PTPRM: variants seen among roughly 807,000 people sequenced by gnomAD.
PTPRM encodes the protein receptor-type tyrosine-protein phosphatase mu.
A neutral mutation model predicts 186.7 loss-of-function variants in PTPRM; 47 were observed. The observed-to-expected ratio is 0.25, with a 90% confidence interval of 0.20 to 0.32. PTPRM has a LOEUF of 0.32. PTPRM is among the 10% of genes least tolerant of loss of function. PTPRM has a pLI of 1.00. For missense variants in PTPRM, 1,494 were observed against 1,865.0 expected, an observed-to-expected ratio of 0.80 and a Z score of 3.66; for synonymous variants, 668 against 674.9, an observed-to-expected ratio of 0.99 and a Z score of 0.16.
In PTPRM at chr18:7,611,788, C is replaced by T. The variant is rs536811093; in HGVS notation, c.73+43897C>T. 9.2e-5 allele frequency among the ~76,000 whole-genome samples: 14 copies of T among 152,250 alleles called. 1 individual carries two copies. The East Asian group carries it at 2.7e-3, about 29-fold the overall frequency. On this transcript the variant is annotated intron_variant, in intron 1 of 32. Transcript: ENST00000580170. ...CAAGCTCTCTTTGCCTGCTGCCATC[C>T]ACGTAAGATGAGACTTGCTCCTCCT...
intron 14 of PTPRM, among the ~76,000 whole-genome samples, chr18:8,181,326 A>G (rs2093571220): frequency 6.6e-6 from 1 of 152,166 alleles, no homozygotes; most frequent in Non-Finnish European, 1.5e-5. Flanking sequence ...GTCTGCTAAA[A>G]CCAGGCCATA....
intron 31 of PTPRM, among the ~76,000 whole-genome samples, chr18:8,391,233 T>C (rs2095810218): frequency 6.6e-6 from 1 of 152,194 alleles, no homozygotes; most frequent in Admixed American, 6.5e-5. Flanking sequence ...ATATACGCAG[T>C]CTGAGGCTGA....
At chr18:7,870,569 C>T (rs2047933270) in intron 2 of PTPRM, among the ~76,000 whole-genome samples, 1 of 152,158 alleles carries the variant, frequency 6.6e-6, no homozygotes, top group South Asian at 2.1e-4. Context: ...ACTTAATTTT[C>T]TGTGTAACTG....
intron 11 of PTPRM, among the ~76,000 whole-genome samples, chr18:8,096,828 A>G (rs1031066252): frequency 1.3e-5 from 2 of 152,172 alleles, no homozygotes; most frequent in Non-Finnish European, 2.9e-5. Flanking sequence ...TTGACTATAG[A>G]TGCCTCACTT....
intron 2 of PTPRM, among the ~76,000 whole-genome samples, chr18:7,885,972 G>A (rs556657410): frequency 1.3e-3 from 203 of 152,298 alleles, no homozygotes; most frequent in African/African-American, 4.6e-3. Flanking sequence ...TTATTTTGCC[G>A]TCCTGTGTAT....
At chr18:7,675,451 G>A (rs2039312302) in intron 1 of PTPRM, among the ~76,000 whole-genome samples, 1 of 152,238 alleles carries the variant, frequency 6.6e-6, no homozygotes, top group South Asian at 2.1e-4. Context: ...GGAGCCCACT[G>A]AGAGCCCATG....
intron 14 of PTPRM, among the ~76,000 whole-genome samples, chr18:8,149,983 C>T (rs1300447843): frequency 6.6e-6 from 1 of 152,212 alleles, no homozygotes; most frequent in Admixed American, 6.5e-5. Flanking sequence ...GCCCCACTCT[C>T]TTCTGACTTG....
intron 1 of PTPRM, among the ~76,000 whole-genome samples, chr18:7,582,268 T>G (rs1395526830): frequency 6.6e-6 from 1 of 152,208 alleles, no homozygotes; most frequent in Non-Finnish European, 1.5e-5. Context: ...TGTGTATATG[T>G]GTCTCTCCTC....
chr18:7,839,379 AC>A (rs138875638), intron 2 of PTPRM, among the ~76,000 whole-genome samples: 3,712 of 152,192 alleles, frequency 0.024, 153 homozygotes, highest in African/African-American at 0.084. Flanking sequence ...GCTATTCAGA[AC>A]CCTTGGACTC....
intron 14 of PTPRM, among the ~76,000 whole-genome samples, chr18:8,150,915 G>C (rs1046775601): frequency 1.3e-5 from 2 of 152,130 alleles, no homozygotes; most frequent in East Asian, 3.9e-4. Flanking sequence ...TAGTTTTCTG[G>C]AGGTCCGCTC....
At position 8,300,180 on chromosome 18, in the gene PTPRM, A is replaced by T. The variant is rs982204104; in HGVS notation, c.2842+3725A>T. On this transcript the variant is annotated intron_variant, in intron 20 of 32. Coordinates refer to ENST00000580170, the MANE Select transcript of PTPRM (RefSeq NM_001105244.2). ...TAAATGGAGAATGTGTTGTGAGGAC[A>T]CCACTGGGGACTTGCAGGAGAAGGG... Among the ~76,000 whole-genome samples the T allele has an allele frequency of 2.0e-5, 3 of 152,184 alleles. No individual in the cohort carries two copies. The East Asian group carries it at 5.8e-4, about 29-fold the overall frequency.
chr18:7,807,848 G>A (rs982497009), intron 2 of PTPRM, among the ~76,000 whole-genome samples: 1 of 152,188 alleles, frequency 6.6e-6, no homozygotes, highest in Non-Finnish European at 1.5e-5. Flanking sequence ...ACGCAGTGTG[G>A]GTAGAGTCTA....
At chr18:7,624,836 G>A (rs537580703) in intron 1 of PTPRM, among the ~76,000 whole-genome samples, 3 of 152,274 alleles carry the variant, frequency 2.0e-5, no homozygotes, top group South Asian at 2.1e-4. Flanking sequence ...AGATTGTTGC[G>A]AAGGCTGCAT....
At chr18:8,272,494 C>A (rs891645812) in intron 19 of PTPRM, among the ~76,000 whole-genome samples, 1 of 151,804 alleles carries the variant, frequency 6.6e-6, no homozygotes, top group African/African-American at 2.4e-5. Context: ...GTAAGTTTGA[C>A]AGTATTTCTA....
At chr18:7,993,725 A>C (rs1371605613) in intron 7 of PTPRM, among the ~76,000 whole-genome samples, 1 of 152,158 alleles carries the variant, frequency 6.6e-6, no homozygotes, top group African/African-American at 2.4e-5. Flanking sequence ...AGAAATGCTT[A>C]AGAAAGACCT....
chr18:8,129,129 A>G (rs1386456521), intron 13 of PTPRM, among the ~76,000 whole-genome samples: 1 of 152,210 alleles, frequency 6.6e-6, no homozygotes, highest in Non-Finnish European at 1.5e-5. Flanking sequence ...TATGAAAAAG[A>G]AAGTACTTTC....
chr18:8,324,049 CT>C (rs995906415), intron 22 of PTPRM, among the ~76,000 whole-genome samples: 4 of 152,096 alleles, frequency 2.6e-5, no homozygotes, highest in African/African-American at 9.7e-5. Context: ...AAACCATAGA[CT>C]TAATTAATCT....
At chr18:8,317,576 G>A (rs1365388033) in intron 21 of PTPRM, among the ~76,000 whole-genome samples, 2 of 152,140 alleles carry the variant, frequency 1.3e-5, no homozygotes, top group Non-Finnish European at 2.9e-5. Flanking sequence ...GGAGGAAAAT[G>A]TCCAACAACC....
At chr18:8,298,521 G>C (rs1185079762) in intron 20 of PTPRM, among the ~76,000 whole-genome samples, 1 of 152,152 alleles carries the variant, frequency 6.6e-6, no homozygotes, top group Non-Finnish European at 1.5e-5. Flanking sequence ...CCAATGTATA[G>C]TTTAGTACCT....
Sources: allele counts gnomAD v4.1 joint callset (sites outside exome capture counted in the v4.1 genomes callset), GRCh38; gene constraint gnomAD v4.1.1; transcripts MANE v1.5; gene names NCBI Gene and HGNC (gene_info 2026-07-23, HGNC 2026-07-21).